LRRC63: variants seen among roughly 807,000 people sequenced by gnomAD.
The protein encoded by LRRC63 is leucine rich repeat containing 63, also known as leucine-rich repeat-containing protein 63.
LRRC63 carries 40 observed loss-of-function variants against 49.5 expected under a neutral mutation model. That is an observed-to-expected ratio of 0.81 (90% CI 0.63 to 1.05). LRRC63 has a LOEUF of 1.05. LRRC63 is among the 50% of genes least tolerant of loss of function. The pLI is 0.00. For missense variants in LRRC63, 636 were observed against 663.1 expected, an observed-to-expected ratio of 0.96 and a Z score of 0.45; for synonymous variants, 191 against 221.1, an observed-to-expected ratio of 0.86 and a Z score of 1.21.
At chr13:46,245,513 C>T (rs576208712) in intron 5 of LRRC63, among the ~76,000 whole-genome samples, 1 of 152,084 alleles carries the variant, frequency 6.6e-6, no homozygotes, top group South Asian at 2.1e-4. Flanking sequence ...TCTCGTACCA[C>T]AACAGAAATA....
At chr13:46,233,715 C>T (rs1262504989) in intron 4 of LRRC63, among the ~76,000 whole-genome samples, 2 of 152,002 alleles carry the variant, frequency 1.3e-5, no homozygotes, top group Non-Finnish European at 2.9e-5. Flanking sequence ...GATCTACAAA[C>T]TAAAGGAAGA....
intron 7 of LRRC63, 87 bp downstream of exon 7, chr13:46,250,578 G>A: frequency 8.8e-7 from 1 of 1,130,698 alleles, no homozygotes; most frequent in Non-Finnish European, 1.2e-6. Flanking sequence ...GCAGCTAGCA[G>A]CTTTTTGGCT....
intron 7 of LRRC63, among the ~76,000 whole-genome samples, chr13:46,252,992 T>C (rs1031435754): frequency 7.9e-5 from 12 of 152,036 alleles, no homozygotes; most frequent in African/African-American, 2.9e-4. Flanking sequence ...TATTTTACGT[T>C]ATTCTAGTGG....
At chr13:46,230,895 A>G (rs1172528079) in intron 4 of LRRC63, among the ~76,000 whole-genome samples, 4 of 152,242 alleles carry the variant, frequency 2.6e-5, no homozygotes, top group African/African-American at 9.6e-5. Flanking sequence ...TTTGCTGCTT[A>G]GAAATTTCTT....
exon 7 of LRRC63, chr13:46,250,381 A>C: frequency 6.6e-7 from 1 of 1,521,192 alleles, no homozygotes; most frequent in Non-Finnish European, 8.9e-7. Context: ...ATTTACAAAT[A>C]CTGAAATTGA....
rs534920693 is a variant in LRRC63 at position 46,231,253 on chromosome 13, A to G, written c.832+2520A>G. Among the ~76,000 whole-genome samples the G allele has an allele frequency of 2.6e-5, 4 of 152,300 alleles. No individual in the cohort carries two copies. In the East Asian group the frequency reaches 7.7e-4, roughly 29 times the overall value. Reference sequence around the variant, plus strand: ...TCTTTATAGCAATGCCCTTCTCCTCAGTACCAATTTTATGTGTTAGTTTGT... The same window carrying G: ...TCTTTATAGCAATGCCCTTCTCCTCGGTACCAATTTTATGTGTTAGTTTGT... On this transcript the variant is annotated intron_variant, in intron 4 of 9. Coordinates refer to ENST00000595396, the Ensembl canonical transcript of LRRC63.
chr13:46,247,212 T>C (rs1329453402), intron 6 of LRRC63, among the ~76,000 whole-genome samples: 1 of 152,138 alleles, frequency 6.6e-6, no homozygotes, highest in Admixed American at 6.6e-5. Context: ...AGTTTATTTT[T>C]GGCAAATGTA....
chr13:46,256,922 T>G (rs750772565), intron 7 of LRRC63, among the ~76,000 whole-genome samples: 1 of 152,210 alleles, frequency 6.6e-6, no homozygotes, highest in Non-Finnish European at 1.5e-5. Flanking sequence ...TACCAGAACA[T>G]GTGAATATGT....
intron 9 of LRRC63, 28 bp downstream of exon 9, chr13:46,267,000 C>A: frequency 6.7e-7 from 1 of 1,493,500 alleles, no homozygotes; most frequent in South Asian, 1.4e-5. Flanking sequence ...CCCTTTTAAC[C>A]AAAATATACC....
chr13:46,276,729 G>A lies in LRRC63; in HGVS notation c.1690G>A (p.Glu564Lys), dbSNP rs75178993. 5,641 of 1,228,860 alleles carry A rather than the reference G, an allele frequency of 4.6e-3. 218 individuals are homozygous for A. In the African/African-American group the frequency reaches 0.079, roughly 17 times the overall value. The allele number at this position is 1,228,860 out of a possible 1,614,324, so 76.1% of individuals were successfully genotyped here. A position where few individuals can be genotyped will look rare whatever the true frequency, so the allele number is the denominator to read the frequency against. The change falls in exon 10 of 10, where the codon GAA becomes AAA. Residue 564 changes from glutamate to lysine, a missense_variant. Physicochemically the swap from Glu to Lys is moderately conservative, Grantham distance 56. Transcript: ENST00000595396. Reference sequence around the variant, plus strand: ...TCCTTCTTGCTATAGAAGAATAAAGGAAAGCAGTTTTGTTTTAGATGGTAG... The same window carrying A: ...TCCTTCTTGCTATAGAAGAATAAAGAAAAGCAGTTTTGTTTTAGATGGTAG...
intron 7 of LRRC63, among the ~76,000 whole-genome samples, chr13:46,260,891 G>A (rs1392937954): frequency 1.1e-4 from 16 of 152,236 alleles, no homozygotes; most frequent in South Asian, 8.3e-4. Context: ...AGAAGTTGGC[G>A]AAAAATTCTG....
rs532631830 is a variant in LRRC63 at position 46,222,712 on chromosome 13, T to C, written c.86-4800T>C. 2.3e-3 allele frequency among the ~76,000 whole-genome samples: 347 copies of C among 151,794 alleles called. 3 individuals are homozygous for C. The highest frequency in any genetic ancestry group is 8.0e-3 in the African/African-American group (330 of 41,290). On this transcript the variant is annotated intron_variant, in intron 2 of 9. Transcript: ENST00000595396. ...TTGACCCAGCCATCCCATTACTGGG[T>C]ATATACCCAAAGGACTATAAATCAT...
intron 5 of LRRC63, among the ~76,000 whole-genome samples, chr13:46,236,970 T>A (rs2046920888): frequency 6.6e-6 from 1 of 152,152 alleles, no homozygotes; most frequent in East Asian, 1.9e-4. Flanking sequence ...TAATTTGGTA[T>A]CAATCCAAAC....
rs560364801 is a variant in LRRC63 at position 46,213,358 on chromosome 13, A to G, written c.85+239A>G. Among the ~76,000 whole-genome samples the G allele has an allele frequency of 3.3e-5, 5 of 152,346 alleles. No homozygotes were observed. The East Asian group carries it at 7.7e-4, about 23-fold the overall frequency. Reference sequence around the variant, plus strand: ...ACTTGTAACCCCAGAATTGGTACTCAAAGGGCTTTCTCAGTCATGCGTGGA... The same window carrying G: ...ACTTGTAACCCCAGAATTGGTACTCGAAGGGCTTTCTCAGTCATGCGTGGA... On this transcript the variant is annotated intron_variant, in intron 2 of 9. Coordinates refer to ENST00000595396, the Ensembl canonical transcript of LRRC63.
At chr13:46,276,702 TCTC>T (rs2047841778) in exon 10 of LRRC63, 1 of 1,230,012 alleles carries the variant, frequency 8.1e-7, no homozygotes, top group Admixed American at 4.2e-5. Context: ...TTATGTCTGT[TCTC>T]CTTCTTGCTA....
intron 7 of LRRC63, among the ~76,000 whole-genome samples, chr13:46,254,369 A>G (rs1178376742): frequency 6.6e-6 from 1 of 152,112 alleles, no homozygotes; most frequent in Non-Finnish European, 1.5e-5. Context: ...TAGATTGAAG[A>G]TGTGGAAGGA....
chr13:46,232,179 G>C (rs2046782670), intron 4 of LRRC63, among the ~76,000 whole-genome samples: 1 of 152,134 alleles, frequency 6.6e-6, no homozygotes, highest in South Asian at 2.1e-4. Flanking sequence ...CCAAGCCATA[G>C]GAGATCTGCC....
At chr13:46,257,380 T>C (rs2047529312) in intron 7 of LRRC63, among the ~76,000 whole-genome samples, 1 of 149,380 alleles carries the variant, frequency 6.7e-6, no homozygotes, top group Admixed American at 6.6e-5. Context: ...TATATAACTA[T>C]AATTAATAAA....
chr13:46,269,798 A>ATT (rs2047730387), intron 9 of LRRC63, among the ~76,000 whole-genome samples: 1 of 148,098 alleles, frequency 6.8e-6, no homozygotes, highest in Non-Finnish European at 1.5e-5. Flanking sequence ...ATATATATAT[A>ATT]TTATATATAT....
Sources: allele counts gnomAD v4.1 joint callset (sites outside exome capture counted in the v4.1 genomes callset), GRCh38; gene constraint gnomAD v4.1.1; transcripts MANE v1.5; gene names NCBI Gene and HGNC (gene_info 2026-07-23, HGNC 2026-07-21).